The following TOX3 variants were observed in gnomAD, a reference collection of about 807,000 sequenced individuals.
TOX3 encodes the protein CAG trinucleotide repeat-containing gene F9 protein.
Under a neutral mutation model 64.3 loss-of-function variants are expected in TOX3, and 22 were observed. That is an observed-to-expected ratio of 0.34 (90% CI 0.24 to 0.49). The LOEUF (loss-of-function observed/expected upper bound fraction) is 0.49, where lower values mean the gene tolerates loss of function less well. Ranked by LOEUF, TOX3 falls within the 20% of genes least tolerant of loss-of-function variation. TOX3 has a pLI of 0.99. For missense variants in TOX3, 661 were observed against 714.4 expected (o/e 0.93, Z 0.85); for synonymous variants, 291 against 273.6 (o/e 1.06, Z -0.63).
intron 3 of TOX3, among the ~76,000 whole-genome samples, chr16:52,461,968 C>T (rs1960704921): frequency 6.6e-6 from 1 of 152,114 alleles, no homozygotes; most frequent in Non-Finnish European, 1.5e-5. Flanking sequence ...TTGTATTCAT[C>T]ATAATTCTGT....
At chr16:52,448,697 C>T (rs191844998) in intron 4 of TOX3, among the ~76,000 whole-genome samples, 5 of 152,300 alleles carry the variant, frequency 3.3e-5, no homozygotes, top group East Asian at 1.9e-4. Context: ...CTTCCTTTTG[C>T]TACTTAGAAA....
At chr16:52,482,252 T>C (rs1381438569) in intron 1 of TOX3, among the ~76,000 whole-genome samples, 2 of 152,176 alleles carry the variant, frequency 1.3e-5, no homozygotes, top group Non-Finnish European at 2.9e-5. Flanking sequence ...TATTCCTAAA[T>C]AATGGAGGCA....
At chr16:52,471,031 G>GT (rs1961031559) in intron 1 of TOX3, among the ~76,000 whole-genome samples, 2 of 152,108 alleles carry the variant, frequency 1.3e-5, no homozygotes, top group African/African-American at 4.8e-5. Flanking sequence ...AGGTACCTGG[G>GT]ACCCTAGTTC....
At chr16:52,483,928 C>T (rs565493226) in intron 1 of TOX3, among the ~76,000 whole-genome samples, 2 of 152,132 alleles carry the variant, frequency 1.3e-5, no homozygotes, top group South Asian at 4.1e-4. Context: ...AGTGGTAGAA[C>T]CTGAAGTTAG....
Position 52,438,873 on chromosome 16 carries a change from G to A in TOX3, c.*352C>T, listed in dbSNP as rs1416871035. 1.9e-6 allele frequency: 1 copy of A among 515,752 alleles called. No homozygotes were observed. The highest frequency in any genetic ancestry group is 5.4e-5 in the East Asian group (1 of 18,672). The allele number at this position is 515,752 out of a possible 1,614,324, so 31.9% of individuals were successfully genotyped here. On this transcript the variant is annotated 3_prime_UTR_variant, in exon 7 of 7. Coordinates refer to ENST00000219746, the MANE Select transcript of TOX3 (RefSeq NM_001080430.4). ...GGTTTACTCACTTCTGGAGAAATAAGGCCATTTTTCTATGACTCAGAGAGG... is the reference window on the plus strand; with the variant it reads ...GGTTTACTCACTTCTGGAGAAATAAAGCCATTTTTCTATGACTCAGAGAGG...
At position 52,438,999 on chromosome 16, in the gene TOX3, G is replaced by T; in HGVS notation, c.*226C>A. 1.4e-6 allele frequency: 1 copy of T among 728,928 alleles called. No homozygotes were observed. Among genetic ancestry groups the T allele is most frequent in the South Asian group, 1.4e-5 (1 of 70,788 alleles). The allele number at this position is 728,928 out of a possible 1,614,324, so 45.2% of individuals were successfully genotyped here. A position where few individuals can be genotyped will look rare whatever the true frequency, so the allele number is the denominator to read the frequency against. The stretch of plus-strand genomic sequence containing the variant: ...AATAAAAAAGGCATCACATAAAAGA[G>T]CACAGCTTTTCTTGTTTAAAAACAA... On this transcript the variant is annotated 3_prime_UTR_variant, in exon 7 of 7. Transcript: ENST00000219746.
At chr16:52,541,309 G>A (rs572395738) in intron 1 of TOX3, among the ~76,000 whole-genome samples, 56 of 152,240 alleles carry the variant, frequency 3.7e-4, no homozygotes, top group African/African-American at 1.2e-3. Flanking sequence ...TAACCTTTCC[G>A]GGTTTGAGCA....
intron 2 of TOX3, among the ~76,000 whole-genome samples, chr16:52,465,137 C>G (rs1960821875): frequency 6.7e-6 from 1 of 150,034 alleles, no homozygotes; most frequent in South Asian, 2.1e-4. Flanking sequence ...GCCTCAGCCT[C>G]TCGAGTAGCT....
chr16:52,510,371 T>C (rs944377428), intron 1 of TOX3, among the ~76,000 whole-genome samples: 3 of 152,154 alleles, frequency 2.0e-5, no homozygotes, highest in Non-Finnish European at 2.9e-5. Context: ...CAGAAATAGA[T>C]ACTAAAAATT....
chr16:52,479,858 C>T (rs983249000), intron 1 of TOX3, among the ~76,000 whole-genome samples: 2 of 152,150 alleles, frequency 1.3e-5, no homozygotes, highest in African/African-American at 2.4e-5. Flanking sequence ...AGTGTGAATT[C>T]GTTCATAATA....
At chr16:52,546,542 A>G (rs1425794342) in intron 1 of TOX3, 95 bp downstream of exon 1, 1 of 1,175,746 alleles carries the variant, frequency 8.5e-7, no homozygotes, top group South Asian at 1.5e-5. Context: ...AAAGAGGCCA[A>G]AGAAAAGTGC....
At chr16:52,444,251 C>A (rs778572854) in intron 6 of TOX3, 25 bp downstream of exon 6, 15 of 1,516,208 alleles carry the variant, frequency 9.9e-6, no homozygotes, top group Non-Finnish European at 1.3e-5. Context: ...TATTTTGGAG[C>A]CTGGCCGCCC....
At chr16:52,442,609 G>A (rs536083147) in intron 6 of TOX3, among the ~76,000 whole-genome samples, 33 of 152,196 alleles carry the variant, frequency 2.2e-4, no homozygotes, top group African/African-American at 7.0e-4. Flanking sequence ...CTTTAGAAGC[G>A]GTCTAATAAT....
intron 1 of TOX3, among the ~76,000 whole-genome samples, chr16:52,530,551 T>G (rs973414684): frequency 2.0e-5 from 3 of 152,130 alleles, no homozygotes; most frequent in Non-Finnish European, 4.4e-5. Context: ...TGGTCATGGT[T>G]GGCCAGGATG....
intron 1 of TOX3, among the ~76,000 whole-genome samples, chr16:52,492,812 CT>C (rs1961731110): frequency 6.6e-6 from 1 of 151,148 alleles, no homozygotes; most frequent in African/African-American, 2.4e-5. Flanking sequence ...TGAAAAGCCC[CT>C]TCCTTTTTTT....
chr16:52,476,231 A>G (rs1961202297), intron 1 of TOX3, among the ~76,000 whole-genome samples: 1 of 152,190 alleles, frequency 6.6e-6, no homozygotes, highest in African/African-American at 2.4e-5. Context: ...GGATTCTTCA[A>G]CAAGTTCTGT....
At chr16:52,532,783 C>T (rs527730919) in intron 1 of TOX3, among the ~76,000 whole-genome samples, 4 of 152,188 alleles carry the variant, frequency 2.6e-5, no homozygotes, top group East Asian at 1.9e-4. Flanking sequence ...GTAGACAAGA[C>T]AACAGGGCAA....
chr16:52,448,485 C>G (rs569544093), intron 4 of TOX3, among the ~76,000 whole-genome samples: 1 of 152,254 alleles, frequency 6.6e-6, no homozygotes, highest in South Asian at 2.1e-4. Context: ...GAGTCTTTAA[C>G]CATTACTTCT....
At chr16:52,444,233 G>T (rs189353517) in intron 6 of TOX3, 43 bp downstream of exon 6, 2 of 1,455,476 alleles carry the variant, frequency 1.4e-6, no homozygotes, top group East Asian at 2.5e-5. Context: ...TGTTTTCCAC[G>T]CTGTGACTAT....
Sources: allele counts gnomAD v4.1 joint callset (sites outside exome capture counted in the v4.1 genomes callset), GRCh38; gene constraint gnomAD v4.1.1; transcripts MANE v1.5; gene names NCBI Gene and HGNC (gene_info 2026-07-23, HGNC 2026-07-21).